The following CDH18 variants were observed in gnomAD, a reference collection of about 807,000 sequenced individuals.
CDH18 encodes the protein cadherin-18.
In CDH18, 31 loss-of-function variants were observed where a neutral mutation model predicts 67.9. The ratio of observed to expected loss-of-function variants is 0.46; its 90% CI spans 0.34 to 0.62. The LOEUF (loss-of-function observed/expected upper bound fraction) is 0.62. CDH18 is among the 20% of genes least tolerant of loss of function. The pLI, the probability that CDH18 is intolerant of heterozygous loss-of-function variation, is 0.01. For synonymous variants in CDH18, 362 were observed against 347.2 expected (o/e 1.04, Z -0.48); for missense variants, 890 against 975.5 (o/e 0.91, Z 1.17).
intron 2 of CDH18, among the ~76,000 whole-genome samples, chr5:19,972,084 T>G (rs2150338686): frequency 6.6e-6 from 1 of 152,212 alleles, no homozygotes; most frequent in Admixed American, 6.5e-5. Flanking sequence ...GAAAATGCGA[T>G]ATTCTTTTGG....
chr5:19,721,363 G>T lies in CDH18; in HGVS notation c.627C>A (p.Ser209=). Residue 209 remains serine, a synonymous_variant, in exon 5 of 13, where the codon TCC becomes TCA. Coordinates refer to ENST00000382275, the MANE Select transcript of CDH18 (RefSeq NM_004934.5). ...TGCACTAACCTGTTTTAGGGTCGAC[G>T]GAGAAGTAGGGTTGTCCTTGGAGAA... The part of the protein sequence containing the change: ...YSILQGQPYF[S]VDPKTGVIRT... The T allele has an allele frequency of 6.2e-7, 1 of 1,604,164 alleles. No homozygotes were observed. The highest frequency in any genetic ancestry group is 1.7e-4 in the Middle Eastern group (1 of 6,018).
chr5:19,742,571 G>A (rs1178409206), intron 4 of CDH18, among the ~76,000 whole-genome samples: 2 of 152,018 alleles, frequency 1.3e-5, no homozygotes, highest in African/African-American at 4.8e-5. Context: ...TCCACAAGCA[G>A]GGCCCCCTGT....
At chr5:20,296,528 T>C (rs1475298532) in intron 1 of CDH18, among the ~76,000 whole-genome samples, 1 of 152,164 alleles carries the variant, frequency 6.6e-6, no homozygotes, top group East Asian at 1.9e-4. Context: ...CCCAAAGTGC[T>C]GGGATTACAG....
chr5:19,745,290 CTGTT>C (rs1212114655), intron 4 of CDH18, among the ~76,000 whole-genome samples: 1 of 152,184 alleles, frequency 6.6e-6, no homozygotes. Context: ...TTACAGAAAT[CTGTT>C]TGTGGCATCC....
intron 1 of CDH18, among the ~76,000 whole-genome samples, chr5:20,524,677 C>T (rs1284624263): frequency 6.6e-6 from 1 of 152,052 alleles, no homozygotes; most frequent in Non-Finnish European, 1.5e-5. Context: ...ATTTGAAATA[C>T]AGATTTAAAA....
At chr5:20,298,043 T>C (rs994699331) in intron 1 of CDH18, among the ~76,000 whole-genome samples, 1 of 152,138 alleles carries the variant, frequency 6.6e-6, no homozygotes, top group Non-Finnish European at 1.5e-5. Context: ...TAACTAGCCG[T>C]AAGACTTTTT....
At chr5:19,718,007 G>A (rs530303990) in intron 5 of CDH18, among the ~76,000 whole-genome samples, 3 of 151,834 alleles carry the variant, frequency 2.0e-5, no homozygotes, top group Admixed American at 1.3e-4. Context: ...TTCACAAGAT[G>A]TTTCACCATA....
intron 6 of CDH18, among the ~76,000 whole-genome samples, chr5:19,593,709 T>TCCTCCTCCTCCTCCTCCTCCTCCTCC (rs70950076): frequency 1.9e-4 from 21 of 111,198 alleles, no homozygotes; most frequent in South Asian, 2.8e-4. Flanking sequence ...CTCCTCCTCC[T>TCCTCCTCCTCCTCCTCCTCCTCCTCC]TCTTCTTCTT....
intron 1 of CDH18, among the ~76,000 whole-genome samples, chr5:20,493,705 G>A (rs932494248): frequency 3.9e-5 from 6 of 152,102 alleles, no homozygotes; most frequent in African/African-American, 1.4e-4. Flanking sequence ...CTGTGTGAAA[G>A]CATGGGAAGA....
intron 3 of CDH18, among the ~76,000 whole-genome samples, chr5:19,823,786 C>T (rs1780131571): frequency 6.6e-6 from 1 of 152,158 alleles, no homozygotes; most frequent in East Asian, 1.9e-4. Flanking sequence ...TTCTTCTGGT[C>T]TACACACAGA....
intron 2 of CDH18, among the ~76,000 whole-genome samples, chr5:20,119,040 C>T (rs1338095580): frequency 1.3e-5 from 2 of 152,070 alleles, no homozygotes; most frequent in Non-Finnish European, 2.9e-5. Flanking sequence ...CACAATTTCT[C>T]AGTTCAAGGT....
intron 1 of CDH18, among the ~76,000 whole-genome samples, chr5:20,481,049 G>A (rs1266966843): frequency 6.6e-6 from 1 of 151,696 alleles, no homozygotes; most frequent in African/African-American, 2.4e-5. Flanking sequence ...ATATAGAGTG[G>A]CTGCCAGGAA....
chr5:19,546,891 T>C (rs11738144), intron 8 of CDH18, among the ~76,000 whole-genome samples: 2 of 152,198 alleles, frequency 1.3e-5, no homozygotes, highest in Admixed American at 1.3e-4. Context: ...CTGACCATTG[T>C]ACATTAAATT....
At chr5:19,686,537 T>A (rs1437907476) in intron 5 of CDH18, among the ~76,000 whole-genome samples, 2 of 152,176 alleles carry the variant, frequency 1.3e-5, no homozygotes, top group African/African-American at 4.8e-5. Flanking sequence ...TGCCTATTTA[T>A]GTGCGCGCAC....
At chr5:19,478,956 A>G (rs1203233337) in intron 12 of CDH18, among the ~76,000 whole-genome samples, 2 of 152,218 alleles carry the variant, frequency 1.3e-5, no homozygotes, top group African/African-American at 4.8e-5. Flanking sequence ...TCAGCTCATA[A>G]TGTTTATATC....
chr5:19,647,780 T>C (rs776274151), intron 5 of CDH18, among the ~76,000 whole-genome samples: 26 of 152,030 alleles, frequency 1.7e-4, no homozygotes, highest in Non-Finnish European at 2.9e-4. Flanking sequence ...TTTTATTCAT[T>C]ATGCATACAC....
intron 4 of CDH18, among the ~76,000 whole-genome samples, chr5:19,734,690 C>G (rs1768065620): frequency 6.6e-6 from 1 of 152,132 alleles, no homozygotes. Context: ...TACATTTGAT[C>G]TATTTCCCAG....
chr5:19,906,975 A>G (rs1056448453), intron 2 of CDH18, among the ~76,000 whole-genome samples: 1 of 152,028 alleles, frequency 6.6e-6, no homozygotes, highest in Non-Finnish European at 1.5e-5. Context: ...ATGAAAAGAA[A>G]GATAACTTTC....
chr5:20,048,653 C>A (rs4279341), intron 2 of CDH18, among the ~76,000 whole-genome samples: 1 of 151,494 alleles, frequency 6.6e-6, no homozygotes, highest in African/African-American at 2.4e-5. Flanking sequence ...TCTACAGAAT[C>A]CCCCCTGGAT....
Sources: gnomAD v4.1 joint callset for allele counts (sites outside exome capture counted in the v4.1 genomes callset) on GRCh38, gnomAD v4.1.1 for gene constraint, MANE v1.5 for transcripts, NCBI Gene and HGNC (gene_info 2026-07-23, HGNC 2026-07-21) for gene names.